The following NRG3 variants were observed in gnomAD, a reference collection of about 807,000 sequenced individuals.
NRG3 encodes neuregulin 3.
Under a neutral mutation model 66.9 loss-of-function variants are expected in NRG3, and 31 were observed. That is an observed-to-expected ratio of 0.46 (90% CI 0.35 to 0.63). NRG3 has a LOEUF of 0.63. NRG3 is among the 20% of genes least tolerant of loss of function. The pLI is 0.00. For synonymous variants in NRG3, 393 were observed against 359.4 expected, an observed-to-expected ratio of 1.09 and a Z score of -1.06; for missense variants, 910 against 878.9, an observed-to-expected ratio of 1.04 and a Z score of -0.45.
chr10:82,303,688 T>C (rs1405647107), intron 1 of NRG3, among the ~76,000 whole-genome samples: 3 of 151,804 alleles, frequency 2.0e-5, no homozygotes, highest in Non-Finnish European at 4.4e-5. Flanking sequence ...GCCAAGATGG[T>C]GAAACCCTGT....
chr10:82,848,154 A>G (rs1010585812), intron 3 of NRG3, among the ~76,000 whole-genome samples: 1 of 152,234 alleles, frequency 6.6e-6, no homozygotes, highest in Non-Finnish European at 1.5e-5. Context: ...CACCTACTTT[A>G]TATCTGACAT....
chr10:81,894,216 C>T (rs906965334), intron 1 of NRG3, among the ~76,000 whole-genome samples: 1 of 152,116 alleles, frequency 6.6e-6, no homozygotes, highest in African/African-American at 2.4e-5. Flanking sequence ...TGGTTTGTGC[C>T]TGTAGTCCCA....
intron 6 of NRG3, among the ~76,000 whole-genome samples, chr10:82,962,027 C>A (rs1324381559): frequency 6.6e-6 from 1 of 152,152 alleles, no homozygotes; most frequent in Non-Finnish European, 1.5e-5. Context: ...TTATTAAGTT[C>A]ATTAAACATT....
intron 3 of NRG3, among the ~76,000 whole-genome samples, chr10:82,798,007 A>G (rs2060874330): frequency 1.3e-5 from 2 of 152,192 alleles, no homozygotes; most frequent in South Asian, 4.1e-4. Flanking sequence ...TACCCTTAAA[A>G]TGGTTCAAGG....
intron 1 of NRG3, among the ~76,000 whole-genome samples, chr10:82,023,612 A>G (rs2062161735): frequency 6.6e-6 from 1 of 152,122 alleles, no homozygotes; most frequent in Non-Finnish European, 1.5e-5. Context: ...CTATGATCAT[A>G]TGGCTTTTGT....
chr10:82,399,150 C>A (rs1014389589), intron 2 of NRG3, among the ~76,000 whole-genome samples: 3 of 151,998 alleles, frequency 2.0e-5, no homozygotes, highest in Non-Finnish European at 2.9e-5. Context: ...TGATAATTAA[C>A]AAATATTTTT....
At chr10:82,145,681 G>A (rs1407324182) in intron 1 of NRG3, among the ~76,000 whole-genome samples, 1 of 152,144 alleles carries the variant, frequency 6.6e-6, no homozygotes, top group African/African-American at 2.4e-5. Flanking sequence ...ATACTGCTCT[G>A]GTACAATAAC....
intron 1 of NRG3, among the ~76,000 whole-genome samples, chr10:82,135,011 A>G (rs2069221803): frequency 6.6e-6 from 1 of 151,638 alleles, no homozygotes; most frequent in South Asian, 2.1e-4. Context: ...CTGTAGTCCC[A>G]GCTACTCGGG....
intron 1 of NRG3, among the ~76,000 whole-genome samples, chr10:81,957,222 C>T (rs545701050): frequency 9.9e-5 from 15 of 152,218 alleles, no homozygotes; most frequent in South Asian, 2.1e-4. Flanking sequence ...CAACCAGGAA[C>T]GCCTGCATTG....
chr10:82,887,347 A>G (rs1842815051), intron 4 of NRG3, among the ~76,000 whole-genome samples: 1 of 152,248 alleles, frequency 6.6e-6, no homozygotes, highest in Admixed American at 6.5e-5. Context: ...AACTCCCTTC[A>G]TATTGAAAAA....
chr10:82,579,997 G>A (rs1339641456), intron 2 of NRG3, among the ~76,000 whole-genome samples: 1 of 151,826 alleles, frequency 6.6e-6, no homozygotes, highest in Non-Finnish European at 1.5e-5. Flanking sequence ...AAAATCTAAG[G>A]ATGCTCAAGT....
At chr10:82,834,832 A>C (rs114656652) in intron 3 of NRG3, among the ~76,000 whole-genome samples, 1,552 of 152,268 alleles carry the variant, frequency 0.01, 32 homozygotes, top group African/African-American at 0.036. Context: ...CCTGGGCCTC[A>C]CTTGCAGCAA....
intron 1 of NRG3, among the ~76,000 whole-genome samples, chr10:82,109,294 C>T (rs1444573800): frequency 6.6e-6 from 1 of 152,048 alleles, no homozygotes; most frequent in Admixed American, 6.6e-5. Context: ...TGAAGAAGGC[C>T]ACAGGAAAGC....
chr10:82,970,240 T>C (rs1851601191), intron 6 of NRG3, among the ~76,000 whole-genome samples: 1 of 152,240 alleles, frequency 6.6e-6, no homozygotes, highest in African/African-American at 2.4e-5. Context: ...GCTCTTCAAG[T>C]TAGCACCACG....
chr10:82,807,757 G>A (rs2061346855), intron 3 of NRG3, among the ~76,000 whole-genome samples: 1 of 152,056 alleles, frequency 6.6e-6, no homozygotes, highest in South Asian at 2.1e-4. Context: ...TGCCTCCAAA[G>A]CAAGCTTCTT....
At chr10:82,329,544 G>T (rs2135253342) in intron 1 of NRG3, among the ~76,000 whole-genome samples, 1 of 151,752 alleles carries the variant, frequency 6.6e-6, no homozygotes, top group South Asian at 2.1e-4. Context: ...TCCAAAACAG[G>T]GGTTATAGAG....
chr10:82,158,863 G>T (rs2071370336), intron 1 of NRG3, among the ~76,000 whole-genome samples: 1 of 151,730 alleles, frequency 6.6e-6, no homozygotes, highest in African/African-American at 2.4e-5. Flanking sequence ...TTTCACACTG[G>T]AAATGAAATC....
intron 2 of NRG3, among the ~76,000 whole-genome samples, chr10:82,692,751 G>A (rs553874501): frequency 8.5e-5 from 13 of 152,228 alleles, no homozygotes; most frequent in Non-Finnish European, 1.6e-4. Context: ...AACATCTGGT[G>A]TAAACACTTG....
At chr10:82,742,405 A>G (rs7903899) in intron 3 of NRG3, among the ~76,000 whole-genome samples, 12,150 of 152,094 alleles carry the variant, frequency 0.08, 613 homozygotes, top group East Asian at 0.2. Flanking sequence ...TTTAAATCCC[A>G]AGAACCTATA....
Sources: allele counts gnomAD v4.1 joint callset (sites outside exome capture counted in the v4.1 genomes callset), GRCh38; gene constraint gnomAD v4.1.1; transcripts MANE v1.5; gene names NCBI Gene and HGNC (gene_info 2026-07-23, HGNC 2026-07-21).